FAT3: variants seen among roughly 807,000 people sequenced by gnomAD.
FAT3 encodes FAT atypical cadherin 3, also known as protocadherin Fat 3.
FAT3 carries 95 observed loss-of-function variants against 310.2 expected under a neutral mutation model. The ratio of observed to expected loss-of-function variants is 0.31; its 90% CI spans 0.26 to 0.36. The LOEUF (loss-of-function observed/expected upper bound fraction) is 0.36, where lower values mean the gene tolerates loss of function less well. FAT3 is among the 10% of genes least tolerant of loss of function. The pLI, the probability that FAT3 is intolerant of heterozygous loss-of-function variation, is 1.00. For missense variants in FAT3, 5,408 were observed against 5,715.6 expected, an observed-to-expected ratio of 0.95 and a Z score of 1.74; for synonymous variants, 2,314 against 2,192.9, an observed-to-expected ratio of 1.06 and a Z score of -1.54.
chr11:92,604,362 C>G (rs112467193), intron 3 of FAT3, among the ~76,000 whole-genome samples: 5 of 152,124 alleles, frequency 3.3e-5, no homozygotes, highest in African/African-American at 4.8e-5. Flanking sequence ...TTTAATTAGT[C>G]CTTACTTCCT....
intron 13 of FAT3, among the ~76,000 whole-genome samples, chr11:92,822,565 GC>G (rs763473795): frequency 6.6e-6 from 1 of 152,128 alleles, no homozygotes; most frequent in Non-Finnish European, 1.5e-5. Flanking sequence ...ACCTTGTGAG[GC>G]CTCCTTGACA....
intron 1 of FAT3, among the ~76,000 whole-genome samples, chr11:92,249,687 A>C (rs373817186): frequency 3.9e-5 from 6 of 152,216 alleles, no homozygotes; most frequent in African/African-American, 1.4e-4. Flanking sequence ...AAAGTGAAGC[A>C]TCAAAAGACA....
At chr11:92,502,619 A>G (rs969061033) in intron 2 of FAT3, among the ~76,000 whole-genome samples, 15 of 152,054 alleles carry the variant, frequency 9.9e-5, no homozygotes, top group African/African-American at 3.4e-4. Flanking sequence ...CGCTGTTTCA[A>G]TGGGTGGAAA....
intron 2 of FAT3, among the ~76,000 whole-genome samples, chr11:92,392,223 A>G (rs905413433): frequency 3.9e-5 from 6 of 152,020 alleles, no homozygotes; most frequent in African/African-American, 1.5e-4. Flanking sequence ...TGTTCCATAC[A>G]TTTTCCTACC....
chr11:92,657,868 A>T (rs1942637318), intron 3 of FAT3, among the ~76,000 whole-genome samples: 1 of 152,330 alleles, frequency 6.6e-6, no homozygotes, highest in East Asian at 1.9e-4. Context: ...GCACATTTTT[A>T]GTGGTCTGAC....
chr11:92,820,812 A>G (rs1333439396), intron 13 of FAT3, among the ~76,000 whole-genome samples: 1 of 152,222 alleles, frequency 6.6e-6, no homozygotes, highest in Non-Finnish European at 1.5e-5. Flanking sequence ...GCAATTTAGC[A>G]TGGAACAAGA....
intron 4 of FAT3, among the ~76,000 whole-genome samples, chr11:92,745,544 G>T (rs1004152594): frequency 2.1e-5 from 3 of 146,234 alleles, no homozygotes; most frequent in Admixed American, 6.9e-5. Context: ...AAATGGAAAT[G>T]TGATGAGATT....
intron 2 of FAT3, among the ~76,000 whole-genome samples, chr11:92,372,071 A>G (rs1024284145): frequency 1.3e-5 from 2 of 152,134 alleles, no homozygotes; most frequent in African/African-American, 4.8e-5. Flanking sequence ...TGGACCATTT[A>G]CCTGGAGTTG....
intron 20 of FAT3, 109 bp downstream of exon 20, chr11:92,857,457 G>T: frequency 6.9e-7 from 1 of 1,452,444 alleles, no homozygotes; most frequent in South Asian, 1.3e-5. Flanking sequence ...CTTTATGCAT[G>T]CAACCTTTTC....
At chr11:92,890,376 C>CT in intron 27 of FAT3, 115 bp from the exon 28 acceptor site, 1 of 1,279,520 alleles carries the variant, frequency 7.8e-7, no homozygotes, top group Non-Finnish European at 1.1e-6. Flanking sequence ...TAATAAGCTT[C>CT]TTAGGGTTTC....
chr11:92,230,891 A>C (rs1314021408), intron 1 of FAT3, among the ~76,000 whole-genome samples: 1 of 152,198 alleles, frequency 6.6e-6, no homozygotes, highest in African/African-American at 2.4e-5. Flanking sequence ...ATTAAAGTGA[A>C]TATAATTCCA....
intron 1 of FAT3, among the ~76,000 whole-genome samples, chr11:92,245,562 C>A (rs552009710): frequency 1.8e-4 from 28 of 152,062 alleles, no homozygotes; most frequent in Admixed American, 1.2e-3. Flanking sequence ...CCTTTGGGAG[C>A]CATTATGCAA....
chr11:92,554,077 A>T (rs1018456720), intron 3 of FAT3, among the ~76,000 whole-genome samples: 1 of 151,908 alleles, frequency 6.6e-6, no homozygotes, highest in African/African-American at 2.4e-5. Context: ...AAGTGCTGGG[A>T]TTACAGGTGT....
At chr11:92,853,155 C>T (rs2136312517) in intron 19 of FAT3, among the ~76,000 whole-genome samples, 1 of 152,352 alleles carries the variant, frequency 6.6e-6, no homozygotes, top group Non-Finnish European at 1.5e-5. Context: ...GGCCACTGCG[C>T]ACAGCCAGGC....
Position 92,799,211 on chromosome 11 carries a change from C to T in FAT3, c.6198C>T (p.Ala2066=). 1 of 1,613,894 alleles carries T rather than the reference C, an allele frequency of 6.2e-7. No individual in the cohort carries two copies. The highest frequency in any genetic ancestry group is 8.5e-7 in the Non-Finnish European group (1 of 1,179,868). The stretch of plus-strand genomic sequence containing the variant: ...GTGAGCTGGACCATCTGCGTGTGGC[C>T]AGAGTGGTGGTCAGGGTTAACATTG... ...ASRELDHLRV[A]RVVVRVNIED... is the part of the protein sequence containing the mutation. The change falls in exon 10 of 28, where the codon GCC becomes GCT. Residue 2066 remains alanine (A), a synonymous_variant. Coordinates refer to ENST00000525166, the MANE Select transcript of FAT3 (RefSeq NM_001367949.2).
chr11:92,830,153 G>A (rs1948204962), intron 13 of FAT3, among the ~76,000 whole-genome samples: 1 of 152,080 alleles, frequency 6.6e-6, no homozygotes, highest in Non-Finnish European at 1.5e-5. Context: ...TGCTTTTTCA[G>A]CCCACAAAGC....
chr11:92,698,105 T>C (rs1943992526), intron 4 of FAT3, among the ~76,000 whole-genome samples: 1 of 152,196 alleles, frequency 6.6e-6, no homozygotes, highest in Non-Finnish European at 1.5e-5. Flanking sequence ...GACACCGTGA[T>C]TTAATTGTGA....
In FAT3 at chr11:92,789,977, G is replaced by A. The variant is rs906770525; in HGVS notation, c.4370G>A (p.Gly1457Asp). The A allele has an allele frequency of 6.2e-7, 1 of 1,613,538 alleles. No homozygotes were observed. Among genetic ancestry groups the A allele is most frequent in the African/African-American group, 1.3e-5 (1 of 74,876 alleles). The change falls in exon 8 of 28, where the codon GGC becomes GAC. Residue 1457 changes from glycine (G) to aspartate (D), a missense_variant. This residue lies in a region of FAT3 where 4,588 missense variants were observed against 4,809.8 expected (regional missense o/e 0.95). Coordinates refer to ENST00000525166, the MANE Select transcript of FAT3 (RefSeq NM_001367949.2). The part of the protein sequence containing the change: ...FIKVLDNNDN[G>D]PEFSQPNYDV... ...AAAGTGCTGGATAATAATGATAATGGCCCAGAATTCTCTCAGCCGAATTAC... is the reference window on the plus strand; with the variant it reads ...AAAGTGCTGGATAATAATGATAATGACCCAGAATTCTCTCAGCCGAATTAC...
chr11:92,667,856 G>A (rs1179163328), intron 3 of FAT3, among the ~76,000 whole-genome samples: 4 of 152,086 alleles, frequency 2.6e-5, no homozygotes, highest in Non-Finnish European at 4.4e-5. Context: ...TTTTTCTACT[G>A]CCCAAATGTC....
Sources: allele counts gnomAD v4.1 joint callset (sites outside exome capture counted in the v4.1 genomes callset), GRCh38; gene constraint gnomAD v4.1.1; regional missense constraint gnomAD v4.1.1; transcripts MANE v1.5; gene names NCBI Gene and HGNC (gene_info 2026-07-23, HGNC 2026-07-21).